The following EPG5 variants were observed in gnomAD, a reference collection of about 807,000 sequenced individuals.
The protein encoded by EPG5 is ectopic P granules protein 5 homolog.
A neutral mutation model predicts 302.7 loss-of-function variants in EPG5; 159 were observed. That is an observed-to-expected ratio of 0.53 (90% confidence interval 0.46 to 0.60). EPG5 has a LOEUF of 0.60. EPG5 is among the 20% of genes least tolerant of loss of function. EPG5 has a pLI of 0.00. For missense variants in EPG5, 2,896 were observed against 3,092.4 expected, an observed-to-expected ratio of 0.94 and a Z score of 1.51; for synonymous variants, 1,158 against 1,136.8, an observed-to-expected ratio of 1.02 and a Z score of -0.37.
chr18:45,858,776 A>G lies in EPG5; in HGVS notation c.7016T>C (p.Leu2339Pro). The G allele has an allele frequency of 6.2e-7, 1 of 1,611,248 alleles. No homozygotes were observed. Among genetic ancestry groups the G allele is most frequent in the African/African-American group, 1.3e-5 (1 of 74,990 alleles). The stretch of plus-strand genomic sequence containing the variant: ...GGGTCCCCATCCTGAATTCTGATTG[A>G]GAGGGCCTAAGAACATGAAGAAGAG... Reference protein sequence around the residue: ...CITAYFKESPLNQNSGWGPIL... With the variant: ...CITAYFKESPPNQNSGWGPIL... The change falls in exon 41 of 44, where the codon CTC (leucine) becomes CCC (proline). Residue 2339 changes from leucine to proline, a missense_variant. By Grantham distance (98) the Leu-to-Pro change is moderately conservative. This residue lies in a region of EPG5 where 620 missense variants were observed against 704.2 expected (regional missense o/e 0.88). Coordinates refer to ENST00000282041, the MANE Select transcript of EPG5 (RefSeq NM_020964.3).
At chr18:45,915,794 G>A (rs1038724088) in intron 19 of EPG5, among the ~76,000 whole-genome samples, 173 bp from the exon 20 acceptor site, 4 of 152,220 alleles carry the variant, frequency 2.6e-5, no homozygotes, top group African/African-American at 9.6e-5. Flanking sequence ...ACAGCCAAAT[G>A]TAACAAGCGG....
intron 13 of EPG5, among the ~76,000 whole-genome samples, chr18:45,926,610 T>G (rs990024454): frequency 1.3e-5 from 2 of 152,008 alleles, no homozygotes; most frequent in African/African-American, 4.8e-5. Context: ...ACAGATCACC[T>G]GAGGTCAGGA....
chr18:45,828,992 TTGAACTGAGGAA>T, the EPG5 span: 2 of 689,758 alleles, frequency 2.9e-6, no homozygotes, highest in Non-Finnish European at 3.6e-6. Flanking sequence ...AGCAGTTTGC[TTGAACTGAGGAA>T]GTCCTATCTG....
rs117913574 is a variant in EPG5 at position 45,880,961 on chromosome 18, C to T, written c.5519-738G>A. Among the ~76,000 whole-genome samples the T allele has an allele frequency of 2.8e-3, 420 of 152,204 alleles. 2 individuals are homozygous for T. Among genetic ancestry groups the T allele is most frequent in the Non-Finnish European group, 4.4e-3 (297 of 68,006 alleles). ...CACTGGGGTCTGGATCTTAGGACAG[C>T]GCCCCAAAATTAAGCTATCACTGGA... is the stretch of plus-strand genomic sequence containing the variant. On this transcript the variant is annotated intron_variant, in intron 31 of 43. Transcript: ENST00000282041.
At chr18:45,805,998 CAACTACCTTTTTTATTT>C in the EPG5 span, among the ~76,000 whole-genome samples, 1 of 152,052 alleles carries the variant, frequency 6.6e-6, no homozygotes, top group African/African-American at 2.4e-5. Flanking sequence ...ATAATGCTAC[CAACTACCTTTTTTATTT>C]ATAAAATGGA....
At chr18:45,910,842 T>A (rs530772986) in intron 22 of EPG5, 100 bp from the exon 23 acceptor site, 113 of 847,836 alleles carry the variant, frequency 1.3e-4, no homozygotes, top group Non-Finnish European at 1.9e-4. Context: ...TTACTGTGAT[T>A]GTGGATATAC....
chr18:45,801,724 C>T, the EPG5 span, among the ~76,000 whole-genome samples: 3 of 152,144 alleles, frequency 2.0e-5, no homozygotes, highest in Admixed American at 6.5e-5. Flanking sequence ...CTTACAGTCC[C>T]ACTCCCAGGA....
In EPG5 at chr18:45,883,614, GTT is replaced by G. The variant is rs1174930322; in HGVS notation, c.5304+1001_5304+1002del. 4.0e-4 allele frequency among the ~76,000 whole-genome samples: 24 copies of G among 60,726 alleles called. 1 individual carries two copies. Among genetic ancestry groups the G allele is most frequent in the African/African-American group, 8.2e-4 (14 of 17,088 alleles). 39.8% of individuals were successfully genotyped at this position (60,726 alleles called of 152,430 possible). A position where few individuals can be genotyped will look rare whatever the true frequency, so the allele number is the denominator to read the frequency against. Reference sequence around the variant, plus strand: ...TAGCTGGGAGTACCACTAGCCTGGTGTTTTTTTTTTTTTTTTTTTTTTTTTTT... The same window carrying G: ...TAGCTGGGAGTACCACTAGCCTGGTGTTTTTTTTTTTTTTTTTTTTTTTTT... On this transcript the variant is annotated intron_variant, in intron 30 of 43. Transcript: ENST00000282041.
At chr18:45,907,316 G>C (rs1248431178) in intron 24 of EPG5, 1 of 152,162 alleles carries the variant, frequency 6.6e-6, no homozygotes, top group Non-Finnish European at 1.5e-5. Flanking sequence ...TAGAATAGAA[G>C]AGAATTATCT....
At chr18:45,802,852 G>A in the EPG5 span, among the ~76,000 whole-genome samples, 3 of 152,306 alleles carry the variant, frequency 2.0e-5, no homozygotes, top group South Asian at 6.2e-4. Context: ...TCCCAAATCA[G>A]GGTCAATTTG....
At chr18:45,905,701 A>T (rs1291848772) in intron 24 of EPG5, among the ~76,000 whole-genome samples, 1 of 152,222 alleles carries the variant, frequency 6.6e-6, no homozygotes, top group Non-Finnish European at 1.5e-5. Flanking sequence ...AAGAAATTAT[A>T]CATCAAGCAC....
chr18:45,914,774 G>A (rs2049991196), intron 20 of EPG5, among the ~76,000 whole-genome samples: 1 of 152,136 alleles, frequency 6.6e-6, no homozygotes, highest in Non-Finnish European at 1.5e-5. Context: ...CCGGCTGGCT[G>A]CGGTATGATC....
chr18:45,951,009 A>G (rs1480747601), intron 4 of EPG5, 93 bp downstream of exon 4: 2 of 1,040,366 alleles, frequency 1.9e-6, no homozygotes, highest in African/African-American at 1.6e-5. Context: ...TTAGCTGAAA[A>G]AGTTGAAGAC....
chr18:45,882,189 C>A, intron 31 of EPG5, 85 bp downstream of exon 31: 1 of 1,194,120 alleles, frequency 8.4e-7, no homozygotes, highest in Non-Finnish European at 1.2e-6. Flanking sequence ...ACTTTCATAT[C>A]TTTGAATAAC....
In EPG5 at chr18:45,878,367, A is replaced by T; in HGVS notation, c.5942+9T>A. 1 of 1,580,882 alleles carries T rather than the reference A, an allele frequency of 6.3e-7. No individual in the cohort carries two copies. Among genetic ancestry groups the T allele is most frequent in the Non-Finnish European group, 8.7e-7 (1 of 1,150,782 alleles). ...TCAAAGGAATTTGAATATCTAAAAA[A>T]CTGTTTACCTTTCGTTGTCCTCTAA... On this transcript the variant is annotated intron_variant, in intron 34 of 43. Transcript: ENST00000282041.
intron 28 of EPG5, among the ~76,000 whole-genome samples, chr18:45,888,951 T>G (rs1268761666): frequency 6.6e-6 from 1 of 152,196 alleles, no homozygotes; most frequent in African/African-American, 2.4e-5. Context: ...TGACTAAAGT[T>G]GAGATAAAGA....
At chr18:45,907,825 C>T (rs2049790762) in intron 24 of EPG5, 133 bp downstream of exon 24, 1 of 876,246 alleles carries the variant, frequency 1.1e-6, no homozygotes, top group Non-Finnish European at 1.7e-6. Flanking sequence ...CTGACAAAAC[C>T]ATAGAAACAA....
the EPG5 span, chr18:45,837,492 C>G: frequency 6.8e-7 from 1 of 1,461,104 alleles, no homozygotes; most frequent in Non-Finnish European, 8.9e-7. Flanking sequence ...CCGAGCCTGA[C>G]GCAGCCCGCC....
intron 4 of EPG5, 109 bp from the exon 5 acceptor site, chr18:45,949,700 A>G (rs561349815): frequency 1.6e-6 from 1 of 623,126 alleles, no homozygotes; most frequent in South Asian, 2.5e-5. Context: ...AATCTTTCAA[A>G]AGAGTAACCA....
Sources: gnomAD v4.1 joint callset for allele counts (sites outside exome capture counted in the v4.1 genomes callset) on GRCh38, gnomAD v4.1.1 for gene constraint, gnomAD v4.1.1 regional missense constraint, MANE v1.5 for transcripts, NCBI Gene and HGNC (gene_info 2026-07-23, HGNC 2026-07-21) for gene names.